Variants in PIGU observed in about 807,000 individuals in gnomAD.
The protein encoded by PIGU is phosphatidylinositol glycan anchor biosynthesis class U.
PIGU carries 24 observed loss-of-function variants against 49.9 expected under a neutral mutation model. The ratio of observed to expected loss-of-function variants is 0.48; its 90% confidence interval spans 0.35 to 0.68. PIGU has a LOEUF of 0.68. Among genes scored for constraint, PIGU ranks in the 30% least tolerant of loss-of-function variants. PIGU has a pLI of 0.01. For missense variants in PIGU, 490 were observed against 532.6 expected, an observed-to-expected ratio of 0.92 and a Z score of 0.79; for synonymous variants, 220 against 205.7, an observed-to-expected ratio of 1.07 and a Z score of -0.59.
At chr20:34,593,565 C>T (rs1318001115) in intron 7 of PIGU, among the ~76,000 whole-genome samples, 1 of 152,002 alleles carries the variant, frequency 6.6e-6, no homozygotes, top group Non-Finnish European at 1.5e-5. Flanking sequence ...CAGCACTAGA[C>T]CAAAATACAT....
chr20:34,671,285 C>G (rs921407901), intron 1 of PIGU, among the ~76,000 whole-genome samples: 2 of 151,496 alleles, frequency 1.3e-5, no homozygotes, highest in Non-Finnish European at 2.9e-5. Flanking sequence ...TTTTTTGAGA[C>G]GGAGTTTTGC....
intron 3 of PIGU, among the ~76,000 whole-genome samples, chr20:34,644,766 A>G (rs1986279317): frequency 6.6e-6 from 1 of 152,170 alleles, no homozygotes; most frequent in African/African-American, 2.4e-5. Flanking sequence ...AATGACTCAC[A>G]GAATCTCTTG....
intron 11 of PIGU, among the ~76,000 whole-genome samples, chr20:34,568,760 C>T (rs1438514284): frequency 2.0e-5 from 3 of 152,208 alleles, no homozygotes; most frequent in South Asian, 2.1e-4. Flanking sequence ...CCTCGGGCTT[C>T]AGGCCTCACT....
rs1600656077 is a variant in PIGU at position 34,645,293 on chromosome 20, A to G, written c.237T>C (p.Tyr79=). 4 of 1,580,888 alleles carry G rather than the reference A, an allele frequency of 2.5e-6. No homozygotes were observed. Among genetic ancestry groups the G allele is most frequent in the East Asian group, 2.3e-5 (1 of 43,644 alleles). ...IIYLFHFLID[Y]AELVFMITDA... ...TACTTACCATAAACACCAATTCAGCATAGTCAATTAGGAAATGAAAGAGGT... is the reference window on the plus strand; with the variant it reads ...TACTTACCATAAACACCAATTCAGCGTAGTCAATTAGGAAATGAAAGAGGT... The change falls in exon 3 of 12, where the codon TAT becomes TAC. Residue 79 remains tyrosine (Y), a synonymous_variant. Transcript: ENST00000217446.
rs1384186176 is a variant in PIGU, at chr20:34,658,719, A to G, written c.131-1475T>C. Among the ~76,000 whole-genome samples, 4 of 128,738 alleles carry G rather than the reference A, an allele frequency of 3.1e-5. No homozygotes were observed. The East Asian group carries it at 7.6e-4, about 24-fold the overall frequency. 84.5% of individuals were successfully genotyped at this position (128,738 alleles called of 152,430 possible). ...AAGTGAGGAGACCCTCTGCCTGACA[A>G]CCGCCCCGTCTGAGAAGTGAGGAGC... On this transcript the variant is annotated intron_variant, in intron 1 of 11. Coordinates refer to ENST00000217446, the MANE Select transcript of PIGU (RefSeq NM_080476.5).
At chr20:34,626,849 C>T (rs995971711) in intron 6 of PIGU, among the ~76,000 whole-genome samples, 2 of 151,860 alleles carry the variant, frequency 1.3e-5, no homozygotes, top group African/African-American at 4.8e-5. Context: ...ATTTATATTC[C>T]TTTTCTTGTG....
At chr20:34,623,070 G>T (rs1408829676) in intron 6 of PIGU, among the ~76,000 whole-genome samples, 3 of 152,156 alleles carry the variant, frequency 2.0e-5, no homozygotes, top group Non-Finnish European at 4.4e-5. Context: ...GAGCAGGAAT[G>T]TAATGAGGTG....
chr20:34,657,968 C>CTCCACGGTCTCCCTCTCCCTCTCTT (rs1329731737), intron 1 of PIGU, among the ~76,000 whole-genome samples: 11 of 151,578 alleles, frequency 7.3e-5, no homozygotes, highest in African/African-American at 9.7e-5. Flanking sequence ...CTCTCTCTCT[C>CTCCACGGTCTCCCTCTCCCTCTCTT]TCCACGGTCT....
chr20:34,633,290 C>T (rs1985849950), intron 6 of PIGU, among the ~76,000 whole-genome samples: 1 of 151,980 alleles, frequency 6.6e-6, no homozygotes, highest in Admixed American at 6.6e-5. Flanking sequence ...ATGGCAAAAC[C>T]CTGTCTCTAT....
intron 6 of PIGU, among the ~76,000 whole-genome samples, chr20:34,622,601 C>T (rs892919847): frequency 2.0e-5 from 3 of 152,148 alleles, no homozygotes; most frequent in African/African-American, 7.2e-5. Context: ...GCTAAGCTTG[C>T]ACAGTCATCC....
chr20:34,576,718 C>A (rs1983250406), intron 10 of PIGU, among the ~76,000 whole-genome samples: 1 of 152,164 alleles, frequency 6.6e-6, no homozygotes, highest in Admixed American at 6.5e-5. Flanking sequence ...AATTCCTGGG[C>A]TCCAGGGATC....
At chr20:34,604,742 G>T (rs1248469901) in intron 7 of PIGU, among the ~76,000 whole-genome samples, 1 of 152,106 alleles carries the variant, frequency 6.6e-6, no homozygotes, top group Non-Finnish European at 1.5e-5. Flanking sequence ...TCTGGTATAA[G>T]CTACCATCAC....
At chr20:34,660,771 AT>A (rs971848192) in intron 1 of PIGU, among the ~76,000 whole-genome samples, 50 of 152,238 alleles carry the variant, frequency 3.3e-4, no homozygotes, top group African/African-American at 1.2e-3. Context: ...AGTATCCCAG[AT>A]TATAAGAGAC....
intron 2 of PIGU, among the ~76,000 whole-genome samples, chr20:34,656,443 C>T (rs13037220): frequency 0.17 from 14,599 of 85,532 alleles, 1,725 homozygotes; most frequent in Admixed American, 0.27. Flanking sequence ...CTACCGCGCC[C>T]AGCTAATCTT....
intron 1 of PIGU, among the ~76,000 whole-genome samples, chr20:34,672,264 T>C (rs542855334): frequency 4.1e-4 from 62 of 152,284 alleles, no homozygotes; most frequent in Non-Finnish European, 6.9e-4. Flanking sequence ...GTATTTTAGT[T>C]ACACTATCAA....
chr20:34,607,730 C>T (rs1984669357), intron 7 of PIGU, among the ~76,000 whole-genome samples: 1 of 152,316 alleles, frequency 6.6e-6, no homozygotes, highest in South Asian at 2.1e-4. Flanking sequence ...ACTTCTGTGG[C>T]TCCAGGGATC....
intron 7 of PIGU, among the ~76,000 whole-genome samples, chr20:34,591,644 C>A (rs1983994224): frequency 6.6e-6 from 1 of 152,088 alleles, no homozygotes; most frequent in African/African-American, 2.4e-5. Flanking sequence ...ACTTGCTGAC[C>A]TCACATATGT....
chr20:34,579,255 T>C (rs1231987543), intron 10 of PIGU: 1 of 152,204 alleles, frequency 6.6e-6, no homozygotes, highest in Non-Finnish European at 1.5e-5. Flanking sequence ...TGCTGTACCA[T>C]GCAGGCTGGC....
intron 9 of PIGU, 129 bp from the exon 10 acceptor site, chr20:34,581,801 T>C (rs1177894001): frequency 1.6e-6 from 2 of 1,245,050 alleles, no homozygotes; most frequent in East Asian, 5.1e-5. Flanking sequence ...GGCTCTGCTA[T>C]CCACAAGGCA....
Sources: gnomAD v4.1 joint callset for allele counts (sites outside exome capture counted in the v4.1 genomes callset) on GRCh38, gnomAD v4.1.1 for gene constraint, MANE v1.5 for transcripts, NCBI Gene and HGNC (gene_info 2026-07-23, HGNC 2026-07-21) for gene names.